DNAJC3: variants seen among roughly 807,000 people sequenced by gnomAD.
DNAJC3 encodes dnaJ homolog subfamily C member 3.
A neutral mutation model predicts 68.6 loss-of-function variants in DNAJC3; 38 were observed. The ratio of observed to expected loss-of-function variants is 0.55; its 90% CI spans 0.43 to 0.73. The LOEUF is 0.73. DNAJC3 is among the 30% of genes least tolerant of loss of function. The probability of loss-of-function intolerance (pLI) is 0.00; values close to 1 mark genes in which losing one functional copy is unlikely to be tolerated. For missense variants in DNAJC3, 526 were observed against 591.9 expected, an observed-to-expected ratio of 0.89 and a Z score of 1.16; for synonymous variants, 203 against 204.0, an observed-to-expected ratio of 1.00 and a Z score of 0.04.
At chr13:95,777,877 A>G (rs1365047820) in intron 9 of DNAJC3, among the ~76,000 whole-genome samples, 2 of 152,222 alleles carry the variant, frequency 1.3e-5, no homozygotes, top group Non-Finnish European at 2.9e-5. Context: ...TAGCTCATGA[A>G]ACATTTTCCT....
chr13:95,741,104 T>C (rs1882127265), intron 4 of DNAJC3, among the ~76,000 whole-genome samples: 3 of 152,230 alleles, frequency 2.0e-5, no homozygotes, highest in Admixed American at 6.5e-5. Flanking sequence ...TTGTTTTCTT[T>C]TGGAGGTGTC....
intron 4 of DNAJC3, chr13:95,744,824 G>T (rs1300384480): frequency 6.6e-6 from 1 of 152,156 alleles, no homozygotes; most frequent in Admixed American, 6.5e-5. Flanking sequence ...CATACAGTGC[G>T]CAGTCTTCCA....
chr13:95,732,871 T>C (rs1881761806), intron 4 of DNAJC3, among the ~76,000 whole-genome samples: 2 of 152,120 alleles, frequency 1.3e-5, no homozygotes, highest in South Asian at 4.1e-4. Flanking sequence ...GTTTCCATTT[T>C]CATTTGTTTC....
At chr13:95,698,962 ACT>A (rs1289258971) in intron 1 of DNAJC3, among the ~76,000 whole-genome samples, 2 of 151,902 alleles carry the variant, frequency 1.3e-5, no homozygotes, top group African/African-American at 4.8e-5. Context: ...TGATGTGAAA[ACT>A]CTGCAGAATT....
Position 95,733,898 on chromosome 13 carries a change from T to C in DNAJC3, c.393+8646T>C, listed in dbSNP as rs549304334. Among the ~76,000 whole-genome samples, 21 of 152,274 alleles carry C rather than the reference T, an allele frequency of 1.4e-4. No homozygotes were observed. In the South Asian group the frequency reaches 2.1e-3, roughly 15 times the overall value. On this transcript the variant is annotated intron_variant, in intron 4 of 11. Transcript: ENST00000602402. ...GTGCCATATAGTTAGATCCATTTTTTAAAAATCCATTCAGTCAGTCCTTTA... is the reference window on the plus strand; with the variant it reads ...GTGCCATATAGTTAGATCCATTTTTCAAAAATCCATTCAGTCAGTCCTTTA...
chr13:95,785,139 A>T (rs1293387875), intron 9 of DNAJC3, among the ~76,000 whole-genome samples: 8 of 149,916 alleles, frequency 5.3e-5, no homozygotes, highest in African/African-American at 1.5e-4. Flanking sequence ...CTTTCTACAA[A>T]TTTTTTTTTT....
rs985772401 is a variant in DNAJC3 at position 95,793,636 on chromosome 13, G to C, written c.*2606G>C. ...GCACCACCATGCCTGGCTAATTTTT[G>C]TATTTTTAGTAGAAATGGGGTTTCA... On this transcript the variant is annotated 3_prime_UTR_variant, in exon 12 of 12. Coordinates refer to ENST00000602402, the MANE Select transcript of DNAJC3 (RefSeq NM_006260.5). 2 of 152,236 alleles carry C rather than the reference G, an allele frequency of 1.3e-5. No homozygotes were observed. The highest frequency in any genetic ancestry group is 4.8e-5 in the African/African-American group (2 of 41,344). The allele number at this position is 152,236 out of a possible 1,614,324, so 9.4% of individuals were successfully genotyped here. A position where few individuals can be genotyped will look rare whatever the true frequency, so the allele number is the denominator to read the frequency against.
chr13:95,770,273 AAAC>A (rs1254917862), intron 9 of DNAJC3, among the ~76,000 whole-genome samples: 2 of 152,330 alleles, frequency 1.3e-5, no homozygotes, highest in African/African-American at 2.4e-5. Flanking sequence ...GGAAAAAAAA[AAAC>A]AAGATTTTTC....
At chr13:95,685,400 A>G (rs1458699696) in intron 1 of DNAJC3, among the ~76,000 whole-genome samples, 1 of 152,240 alleles carries the variant, frequency 6.6e-6, no homozygotes, top group East Asian at 1.9e-4. Flanking sequence ...CCCAATGCCT[A>G]TAATCCCATT....
At chr13:95,788,995 C>T (rs1883682069) in intron 11 of DNAJC3, among the ~76,000 whole-genome samples, 1 of 152,186 alleles carries the variant, frequency 6.6e-6, no homozygotes, top group African/African-American at 2.4e-5. Flanking sequence ...ATTAACCTCC[C>T]AGAATGAAGT....
chr13:95,689,632 A>T, intron 1 of DNAJC3, among the ~76,000 whole-genome samples: 1 of 148,284 alleles, frequency 6.7e-6, no homozygotes. Flanking sequence ...CTTTTCTCCC[A>T]GCTAGTTTTG....
chr13:95,786,401 A>G (rs546092051), intron 10 of DNAJC3, among the ~76,000 whole-genome samples: 1 of 152,286 alleles, frequency 6.6e-6, no homozygotes, highest in African/African-American at 2.4e-5. Context: ...AGGAGACGGA[A>G]TGAGTAAAGA....
intron 2 of DNAJC3, among the ~76,000 whole-genome samples, chr13:95,714,519 CAG>C (rs1009375480): frequency 1.5e-4 from 22 of 151,498 alleles, no homozygotes; most frequent in African/African-American, 2.9e-4. Context: ...GCTATAATAA[CAG>C]GGGTTTCTTA....
intron 9 of DNAJC3, among the ~76,000 whole-genome samples, chr13:95,776,004 C>CT (rs994715908): frequency 6.6e-6 from 1 of 150,714 alleles, no homozygotes; most frequent in Non-Finnish European, 1.5e-5. Context: ...TATATATATA[C>CT]TTTTTTTTTC....
chr13:95,689,453 A>G (rs1169622979), intron 1 of DNAJC3, among the ~76,000 whole-genome samples: 1 of 148,846 alleles, frequency 6.7e-6, no homozygotes, highest in Non-Finnish European at 1.5e-5. Context: ...CACCTTTCTC[A>G]TTTCTGGTTG....
chr13:95,776,299 CTATT>C (rs1450490317), intron 9 of DNAJC3, among the ~76,000 whole-genome samples: 1 of 152,072 alleles, frequency 6.6e-6, no homozygotes, highest in African/African-American at 2.4e-5. Flanking sequence ...GTATAGTAAA[CTATT>C]AATTAGGGTA....
rs189162372 is a variant in DNAJC3, at chr13:95,771,276, C to T, written c.1075+7323C>T. On this transcript the variant is annotated intron_variant, in intron 9 of 11. Coordinates refer to ENST00000602402, the MANE Select transcript of DNAJC3 (RefSeq NM_006260.5). ...GGATACCATTCCTAAGGTCTGATAC[C>T]CATGCGACATGTTAAAGCAAGAAAT... Among the ~76,000 whole-genome samples the T allele has an allele frequency of 2.8e-3, 425 of 152,088 alleles. 4 individuals carry two copies. The highest frequency in any genetic ancestry group is 4.3e-3 in the Admixed American group (66 of 15,276).
At chr13:95,767,358 T>A (rs1323496507) in intron 9 of DNAJC3, among the ~76,000 whole-genome samples, 1 of 152,194 alleles carries the variant, frequency 6.6e-6, no homozygotes, top group Non-Finnish European at 1.5e-5. Context: ...CAGGATTTCT[T>A]TTTCTTTTAA....
At position 95,692,966 on chromosome 13, in the gene DNAJC3, G is replaced by A. The variant is rs538984172; in HGVS notation, c.82+15629G>A. 1,249 of 152,022 alleles carry A rather than the reference G, an allele frequency of 8.2e-3. 11 individuals are homozygous for A. The highest frequency in any genetic ancestry group is 0.014 in the Non-Finnish European group (973 of 67,934). 9.4% of individuals were successfully genotyped at this position (152,022 alleles called of 1,614,324 possible). On this transcript the variant is annotated intron_variant, in intron 1 of 11. Transcript: ENST00000602402. ...CTCCCAAGTAGCTGGGACTACAGGC[G>A]CCCGCCACTGGGCCCAGCTAATTTT...
Sources: allele counts gnomAD v4.1 joint callset (sites outside exome capture counted in the v4.1 genomes callset), GRCh38; gene constraint gnomAD v4.1.1; transcripts MANE v1.5; gene names NCBI Gene and HGNC (gene_info 2026-07-23, HGNC 2026-07-21).